SORL1-AS1: variants seen among roughly 807,000 people sequenced by gnomAD.
The protein encoded by SORL1-AS1 is lncRNA 51 A.
chr11:121,446,093 G>T (rs1041950703), downstream of SORL1-AS1, among the ~76,000 whole-genome samples: 3 of 152,138 alleles, frequency 2.0e-5, no homozygotes, highest in African/African-American at 7.2e-5. Context: ...ACTGCCGAAG[G>T]GTGTGAGGAG....
Position 121,452,538 on chromosome 11 carries a change from G to A in SORL1-AS1, n.339+137C>T. 6.7e-7 allele frequency: 1 copy of A among 1,490,312 alleles called. No homozygotes were observed. 92.3% of individuals were successfully genotyped at this position (1,490,312 alleles called of 1,614,324 possible). On this transcript the variant is annotated intron_variant and non_coding_transcript_variant, in intron 1 of 1. Coordinates refer to ENST00000501964, the Ensembl canonical transcript of SORL1-AS1. This position sits in a 1 kb window ranked among gnomAD's most constrained non-coding sequence, Gnocchi z 5.3. ...GGGCGCGCGGGGATGCCAGGGGGGC[G>A]AGCCGCGCGGACGAGAAGCCGCTCC... is the stretch of plus-strand genomic sequence containing the variant.
chr11:121,441,397 G>A, the SORL1-AS1 span, among the ~76,000 whole-genome samples: 320 of 151,680 alleles, frequency 2.1e-3, no homozygotes, highest in Middle Eastern at 0.01. Context: ...TGGGCGTGGT[G>A]GTGGGCGCCT....
At position 121,450,504 on chromosome 11, in the gene SORL1-AS1, C is replaced by T. The variant is rs1381988502; in HGVS notation, n.340-605G>A. On this transcript the variant is annotated intron_variant and non_coding_transcript_variant, in intron 1 of 1. Transcript: ENST00000501964. This position sits in a 1 kb window ranked among gnomAD's most constrained non-coding sequence, Gnocchi z 5.2. The stretch of plus-strand genomic sequence containing the variant: ...TATATGTTATATATATGAGTTAGAG[C>T]TGAATTGCACAATATGAGCAAGGCG... 6.6e-6 allele frequency among the ~76,000 whole-genome samples: 1 copy of T among 151,836 alleles called. No individual in the cohort carries two copies. The highest frequency in any genetic ancestry group is 1.5e-5 in the Non-Finnish European group (1 of 67,962).
chr11:121,447,294 G>C (rs565323257), downstream of SORL1-AS1: 33 of 152,540 alleles, frequency 2.2e-4, no homozygotes, highest in African/African-American at 7.6e-4. Flanking sequence ...GTAAACAGTG[G>C]AACCAAAACT....
downstream of SORL1-AS1, among the ~76,000 whole-genome samples, chr11:121,444,791 A>T (rs756936967): frequency 8.5e-5 from 13 of 152,184 alleles, no homozygotes; most frequent in Admixed American, 2.0e-4. Flanking sequence ...ATTATCACAG[A>T]ATAGCAGCCT....
chr11:121,449,918 G>A (rs926310241), intron 1 of SORL1-AS1: 5 of 152,240 alleles, frequency 3.3e-5, no homozygotes, highest in African/African-American at 4.8e-5. Context: ...GGTTTGGAAT[G>A]TAGATAATGA....
chr11:121,448,180 T>C (rs1048093527), exon 2 of SORL1-AS1: 1 of 152,266 alleles, frequency 6.6e-6, no homozygotes, highest in Non-Finnish European at 1.5e-5. Flanking sequence ...TATAATGTTA[T>C]GCAAATGTAA....
At chr11:121,444,898 A>C (rs937477951), downstream of SORL1-AS1, among the ~76,000 whole-genome samples, 14 of 152,214 alleles carry the variant, frequency 9.2e-5, no homozygotes, top group African/African-American at 3.1e-4. Flanking sequence ...ATTCACTGCT[A>C]ATTTAGCACT....
intron 1 of SORL1-AS1, among the ~76,000 whole-genome samples, chr11:121,451,338 G>A (rs1043420137): frequency 4.6e-5 from 7 of 152,248 alleles, no homozygotes; most frequent in Non-Finnish European, 8.8e-5. Context: ...GGCTCGTCAA[G>A]CTGAATGTAG....
chr11:121,438,913 C>G, the SORL1-AS1 span, among the ~76,000 whole-genome samples: 28 of 152,202 alleles, frequency 1.8e-4, no homozygotes, highest in Admixed American at 6.5e-5. Flanking sequence ...GTAGTCCCAG[C>G]TACCTGGGAG....
At chr11:121,440,108 C>G in the SORL1-AS1 span, among the ~76,000 whole-genome samples, 1 of 152,174 alleles carries the variant, frequency 6.6e-6, no homozygotes, top group African/African-American at 2.4e-5. Context: ...CATGGTGGCT[C>G]ATGCCTGTAA....
At chr11:121,443,006 A>G (rs1860680370), downstream of SORL1-AS1, among the ~76,000 whole-genome samples, 1 of 151,938 alleles carries the variant, frequency 6.6e-6, no homozygotes, top group Non-Finnish European at 1.5e-5. Context: ...AGAAAAAAAA[A>G]AAAAAGACTC....
chr11:121,452,206 G>A lies in SORL1-AS1; in HGVS notation n.339+469C>T. The A allele has an allele frequency of 3.7e-6, 2 of 539,956 alleles. No individual in the cohort carries two copies. Among genetic ancestry groups the A allele is most frequent in the South Asian group, 7.7e-5 (1 of 12,936 alleles). 33.4% of individuals were successfully genotyped at this position (539,956 alleles called of 1,614,324 possible). A position where few individuals can be genotyped will look rare whatever the true frequency, so the allele number is the denominator to read the frequency against. On this transcript the variant is annotated intron_variant and non_coding_transcript_variant, in intron 1 of 1. Coordinates refer to ENST00000501964, the Ensembl canonical transcript of SORL1-AS1. This position sits in a 1 kb window ranked among gnomAD's most constrained non-coding sequence, Gnocchi z 5.3. The stretch of plus-strand genomic sequence containing the variant: ...GGCGGCGGGCGCAGCGGGGCGGCCC[G>A]GAGCGGCGCGGGCGGCCTGGAGCCC...
rs1406607648 is a variant in SORL1-AS1 at position 121,450,488 on chromosome 11, T to C, written n.340-589A>G. Among the ~76,000 whole-genome samples the C allele has an allele frequency of 3.3e-5, 5 of 151,800 alleles. No homozygotes were observed. The highest frequency in any genetic ancestry group is 5.9e-5 in the Non-Finnish European group (4 of 67,972). ...AAGTATATAATAAATATATATGTTA[T>C]ATATATGAGTTAGAGCTGAATTGCA... On this transcript the variant is annotated intron_variant and non_coding_transcript_variant, in intron 1 of 1. Coordinates refer to ENST00000501964, the Ensembl canonical transcript of SORL1-AS1. The surrounding 1 kb of genome is among the most constrained non-coding windows in gnomAD (Gnocchi z 5.2).
chr11:121,452,665 A>G lies in SORL1-AS1; in HGVS notation n.339+10T>C, dbSNP rs186407010. ...CCCTCCAGTTTTTTCCTCTCCCTGC[A>G]CTTCCTCACCCCCGCATCCATCCGT... On this transcript the variant is annotated intron_variant and non_coding_transcript_variant, in intron 1 of 1. Coordinates refer to ENST00000501964, the Ensembl canonical transcript of SORL1-AS1. The surrounding 1 kb of genome is among the most constrained non-coding windows in gnomAD (Gnocchi z 5.3). The G allele has an allele frequency of 7.2e-7, 1 of 1,387,856 alleles. No individual in the cohort carries two copies. The highest frequency in any genetic ancestry group is 9.4e-7 in the Non-Finnish European group (1 of 1,069,124). The allele number at this position is 1,387,856 out of a possible 1,614,324, so 86.0% of individuals were successfully genotyped here.
chr11:121,438,846 C>T, the SORL1-AS1 span, among the ~76,000 whole-genome samples: 2 of 152,018 alleles, frequency 1.3e-5, no homozygotes, highest in Non-Finnish European at 2.9e-5. Flanking sequence ...GCCAATATGG[C>T]GAAACCCCAT....
At chr11:121,442,674 T>TTTATTTATTTATTTAC (rs1555041802), downstream of SORL1-AS1, among the ~76,000 whole-genome samples, 120 of 141,644 alleles carry the variant, frequency 8.5e-4, 1 homozygote, top group African/African-American at 3.0e-3. Context: ...TATTTATTTA[T>TTTATTTATTTATTTAC]TTATTTATTT....
rs146912322 is a variant in SORL1-AS1 at position 121,452,954 on chromosome 11, C to T, written n.60G>A. 4.2e-6 allele frequency: 1 copy of T among 239,580 alleles called. No individual in the cohort carries two copies. The highest frequency in any genetic ancestry group is 2.2e-5 in the African/African-American group (1 of 44,740). The allele number at this position is 239,580 out of a possible 1,614,324, so 14.8% of individuals were successfully genotyped here. ...AAAAAACGGGCTTTCTTTAGTGTAT[C>T]ATCAGTTGGCAGTGGAGGCGAGCAC... On this transcript the variant is annotated non_coding_transcript_exon_variant, in exon 1 of 2. Transcript: ENST00000501964. The surrounding 1 kb of genome is among the most constrained non-coding windows in gnomAD (Gnocchi z 5.3).
rs147729975 is a variant in SORL1-AS1, at chr11:121,451,844, G to A, written n.339+831C>T. ...GGGGATGAGGCCGGGGCCGGGGGGA[G>A]GTGGTCTTGTGGCGCTACTGCGGGC... On this transcript the variant is annotated intron_variant and non_coding_transcript_variant, in intron 1 of 1. Transcript: ENST00000501964. 9.8e-3 allele frequency among the ~76,000 whole-genome samples: 1,495 copies of A among 152,252 alleles called. 28 individuals carry two copies. Among genetic ancestry groups the A allele is most frequent in the African/African-American group, 0.034 (1,431 of 41,528 alleles).
Sources: allele counts gnomAD v4.1 joint callset (sites outside exome capture counted in the v4.1 genomes callset), GRCh38; gene constraint gnomAD v4.1.1; non-coding constraint Gnocchi (gnomAD v3.1); transcripts MANE v1.5; gene names NCBI Gene and HGNC (gene_info 2026-07-23, HGNC 2026-07-21).